KIF6: variants seen among roughly 807,000 people sequenced by gnomAD.
KIF6 encodes kinesin-like protein KIF6.
In KIF6, 106 loss-of-function variants were observed where a neutral mutation model predicts 112.7. The observed-to-expected ratio is 0.94, with a 90% CI of 0.80 to 1.11. KIF6 has a LOEUF of 1.11. KIF6 is among the 50% of genes least tolerant of loss of function. The probability of loss-of-function intolerance (pLI) is 0.00; values close to 1 mark genes in which losing one functional copy is unlikely to be tolerated. For missense variants in KIF6, 929 were observed against 964.0 expected (o/e 0.96, Z 0.48); for synonymous variants, 339 against 339.9 (o/e 1.00, Z 0.03).
intron 10 of KIF6, among the ~76,000 whole-genome samples, chr6:39,549,264 A>G (rs1779238078): frequency 1.3e-5 from 2 of 152,052 alleles, no homozygotes; most frequent in Non-Finnish European, 2.9e-5. Context: ...ATATGTCCCT[A>G]AAAATTTAGG....
rs10714699 is a variant in KIF6, at chr6:39,447,650, G to GA, written c.1646-16490dup. ...AAGAACACTTAGACACTTGGGGGAGGAAAAAAAAATACTCTTTTAACAATA... is the reference window on the plus strand; with the variant it reads ...AAGAACACTTAGACACTTGGGGGAGGAAAAAAAAAATACTCTTTTAACAATA... On this transcript the variant is annotated intron_variant, in intron 13 of 22. Coordinates refer to ENST00000287152, the MANE Select transcript of KIF6 (RefSeq NM_145027.6). Among the ~76,000 whole-genome samples, 282 of 150,686 alleles carry GA rather than the reference G, an allele frequency of 1.9e-3. 3 individuals are homozygous for GA. Among genetic ancestry groups the GA allele is most frequent in the Non-Finnish European group, 3.7e-3 (251 of 67,532 alleles).
intron 10 of KIF6, among the ~76,000 whole-genome samples, chr6:39,556,613 G>A (rs1277848183): frequency 6.6e-6 from 1 of 152,132 alleles, no homozygotes; most frequent in East Asian, 1.9e-4. Context: ...CAAGTCTGAG[G>A]ATCAAGGAAT....
intron 12 of KIF6, among the ~76,000 whole-genome samples, chr6:39,540,568 T>C (rs1221829274): frequency 6.6e-6 from 1 of 152,252 alleles, no homozygotes; most frequent in African/African-American, 2.4e-5. Context: ...AGATAAAAGA[T>C]GAATTTACTC....
chr6:39,624,784 T>C (rs960523663), intron 5 of KIF6, among the ~76,000 whole-genome samples: 1 of 152,072 alleles, frequency 6.6e-6, no homozygotes, highest in African/African-American at 2.4e-5. Context: ...ATTCCAGATA[T>C]ACGAGTGAAA....
intron 3 of KIF6, among the ~76,000 whole-genome samples, chr6:39,686,716 A>G (rs1378268001): frequency 6.6e-6 from 1 of 152,236 alleles, no homozygotes; most frequent in Non-Finnish European, 1.5e-5. Flanking sequence ...GACCTTCACT[A>G]TAGAATAACC....
intron 13 of KIF6, among the ~76,000 whole-genome samples, chr6:39,466,001 T>C (rs961561845): frequency 6.6e-6 from 1 of 152,218 alleles, no homozygotes; most frequent in African/African-American, 2.4e-5. Flanking sequence ...AGTCCTCGGC[T>C]CTTGCCCCCA....
intron 1 of KIF6, among the ~76,000 whole-genome samples, chr6:39,724,207 T>C (rs1023516038): frequency 7.9e-5 from 12 of 152,218 alleles, no homozygotes; most frequent in African/African-American, 2.6e-4. Flanking sequence ...TCCCAGCACT[T>C]TGGGAGGCCG....
rs528374765 is a variant in KIF6, at chr6:39,667,147, T to A, written c.252-27390A>T. On this transcript the variant is annotated intron_variant, in intron 3 of 22. Transcript: ENST00000287152. ...AGAGAGAACCAATAGGATATTTACA[T>A]AGACAAATGAGAGAGGATTTATTAG... 2.0e-5 allele frequency among the ~76,000 whole-genome samples: 3 copies of A among 152,226 alleles called. No homozygotes were observed. The East Asian group carries it at 5.8e-4, about 29-fold the overall frequency.
chr6:39,496,895 T>G (rs1422766140), intron 13 of KIF6, among the ~76,000 whole-genome samples: 1 of 152,244 alleles, frequency 6.6e-6, no homozygotes, highest in Non-Finnish European at 1.5e-5. Flanking sequence ...CTTAATCAAG[T>G]TACTTAAAAC....
At chr6:39,556,015 T>C (rs1779692532) in intron 10 of KIF6, among the ~76,000 whole-genome samples, 2 of 150,990 alleles carry the variant, frequency 1.3e-5, no homozygotes, top group South Asian at 4.2e-4. Flanking sequence ...ATAAAGATTA[T>C]TTTTATACTT....
chr6:39,607,442 A>G (rs1782953152), intron 6 of KIF6, among the ~76,000 whole-genome samples: 1 of 152,184 alleles, frequency 6.6e-6, no homozygotes, highest in African/African-American at 2.4e-5. Context: ...GTCATATAGT[A>G]AGTGCTCAAA....
chr6:39,408,626 CCT>C (rs143907480), intron 15 of KIF6, among the ~76,000 whole-genome samples: 82 of 147,824 alleles, frequency 5.5e-4, no homozygotes, highest in Middle Eastern at 3.4e-3. Context: ...TACATAGGTG[CCT>C]CTCTCTCTCT....
chr6:39,648,846 T>A (rs983683292), intron 3 of KIF6, among the ~76,000 whole-genome samples: 11 of 152,120 alleles, frequency 7.2e-5, no homozygotes, highest in Admixed American at 3.3e-4. Context: ...GTGAGTTTAG[T>A]TCCCCTAGTT....
intron 3 of KIF6, among the ~76,000 whole-genome samples, chr6:39,707,068 T>G (rs1416214808): frequency 3.3e-5 from 5 of 152,190 alleles, no homozygotes; most frequent in Admixed American, 2.0e-4. Context: ...TGTAGTACAT[T>G]TTCAAAACCA....
chr6:39,367,221 A>G (rs184694726), intron 16 of KIF6, among the ~76,000 whole-genome samples: 59 of 152,312 alleles, frequency 3.9e-4, no homozygotes, highest in Admixed American at 3.1e-3. Flanking sequence ...GGGGCTGGGA[A>G]CTCAAAGGGA....
chr6:39,452,570 G>A (rs1772775403), intron 13 of KIF6, among the ~76,000 whole-genome samples: 1 of 152,216 alleles, frequency 6.6e-6, no homozygotes, highest in Non-Finnish European at 1.5e-5. Context: ...GTAATTATGA[G>A]TCATGGGGCT....
intron 13 of KIF6, among the ~76,000 whole-genome samples, chr6:39,530,164 C>A (rs186504917): frequency 6.6e-6 from 1 of 152,316 alleles, no homozygotes; most frequent in African/African-American, 2.4e-5. Context: ...TTTCTATATA[C>A]ACAGCAGGGA....
intron 16 of KIF6, among the ~76,000 whole-genome samples, chr6:39,368,744 C>T (rs1765752292): frequency 6.6e-6 from 1 of 152,236 alleles, no homozygotes; most frequent in African/African-American, 2.4e-5. Flanking sequence ...CCAGCCTGTT[C>T]CATGCCCTTG....
intron 6 of KIF6, among the ~76,000 whole-genome samples, chr6:39,605,754 G>A (rs1782850595): frequency 6.6e-6 from 1 of 152,032 alleles, no homozygotes; most frequent in South Asian, 2.1e-4. Context: ...CCAGTGGTAG[G>A]CATAACAACC....
Sources: allele counts gnomAD v4.1 joint callset (sites outside exome capture counted in the v4.1 genomes callset), GRCh38; gene constraint gnomAD v4.1.1; transcripts MANE v1.5; gene names NCBI Gene and HGNC (gene_info 2026-07-23, HGNC 2026-07-21).